The following SATB1 variants were observed in gnomAD, a reference collection of about 807,000 sequenced individuals.
The protein encoded by SATB1 is SATB homeobox 1, also known as DNA-binding protein SATB1.
A neutral mutation model predicts 86.9 loss-of-function variants in SATB1; 11 were observed. That is an observed-to-expected ratio of 0.13 (90% CI 0.08 to 0.21). The LOEUF is 0.21. Ranked by LOEUF, SATB1 falls within the 10% of genes least tolerant of loss-of-function variation. The pLI is 1.00. For synonymous variants in SATB1, 357 were observed against 357.2 expected (o/e 1.00, Z 0.01); for missense variants, 551 against 937.6 (o/e 0.59, Z 5.39).
intron 9 of SATB1, among the ~76,000 whole-genome samples, chr3:18,377,958 A>G (rs1695848642): frequency 6.6e-6 from 1 of 152,196 alleles, no homozygotes; most frequent in Admixed American, 6.5e-5. Flanking sequence ...TTACCATAAA[A>G]TCCTTGGTCT....
chr3:18,425,796 G>A (rs1698671667), upstream of SATB1, among the ~76,000 whole-genome samples: 1 of 150,034 alleles, frequency 6.7e-6, no homozygotes, highest in Admixed American at 6.6e-5. Context: ...GCGGGCGGCA[G>A]GGGCAGGTGT....
chr3:18,393,227 A>G (rs970802928), intron 7 of SATB1, among the ~76,000 whole-genome samples: 3 of 152,206 alleles, frequency 2.0e-5, no homozygotes, highest in Admixed American at 6.5e-5. Context: ...GTCAAAAAAT[A>G]AGATAAATTG....
intron 10 of SATB1, chr3:18,351,042 AG>A: frequency 2.3e-6 from 1 of 441,486 alleles, no homozygotes; most frequent in Non-Finnish European, 4.2e-6. Context: ...ACGCTTTCTA[AG>A]CAACTGGGGC....
chr3:18,356,509 G>T (rs1281468037), intron 9 of SATB1, among the ~76,000 whole-genome samples: 1 of 150,944 alleles, frequency 6.6e-6, no homozygotes, highest in East Asian at 1.9e-4. Context: ...ATAACACAAT[G>T]GCAATTTATT....
intron 8 of SATB1, among the ~76,000 whole-genome samples, chr3:18,381,365 T>A (rs2125195329): frequency 6.6e-6 from 1 of 152,352 alleles, no homozygotes; most frequent in Admixed American, 6.5e-5. Flanking sequence ...TATGTAGTTT[T>A]AATAATTGTG....
chr3:18,374,708 T>A (rs1271051748), intron 9 of SATB1, among the ~76,000 whole-genome samples: 1 of 152,194 alleles, frequency 6.6e-6, no homozygotes, highest in Non-Finnish European at 1.5e-5. Flanking sequence ...AGTTGGCTTC[T>A]TTTACCGAAA....
chr3:18,355,660 CCAA>C (rs1340385928), intron 9 of SATB1, among the ~76,000 whole-genome samples: 1 of 151,692 alleles, frequency 6.6e-6, no homozygotes, highest in Non-Finnish European at 1.5e-5. Context: ...AAAAAAAACA[CCAA>C]CAAAACAAAA....
chr3:18,440,607 T>C (rs1699216400), upstream of SATB1, among the ~76,000 whole-genome samples: 1 of 152,154 alleles, frequency 6.6e-6, no homozygotes, highest in Non-Finnish European at 1.5e-5. Context: ...TAGCTCGAAG[T>C]AGGAAGTGTT....
At chr3:18,366,445 C>A (rs1193466332) in intron 9 of SATB1, among the ~76,000 whole-genome samples, 1 of 150,396 alleles carries the variant, frequency 6.6e-6, no homozygotes, top group Non-Finnish European at 1.5e-5. Context: ...TTCCATCAAT[C>A]AATCAATCAA....
chr3:18,386,918 C>T lies in SATB1; in HGVS notation c.1207-307G>A, dbSNP rs765004006. ...ACGATCCAGGGAAGTTAAGAATAAA[C>T]GAAATCCTTATAATGCAACAGCACT... On this transcript the variant is annotated intron_variant, in intron 7 of 10. Transcript: ENST00000338745. The surrounding 1 kb of genome is among the most constrained non-coding windows in gnomAD (Gnocchi z 4.5). Among the ~76,000 whole-genome samples the T allele has an allele frequency of 3.9e-5, 6 of 152,092 alleles. No individual in the cohort carries two copies. The highest frequency in any genetic ancestry group is 2.1e-4 in the South Asian group (1 of 4,830).
intron 1 of SATB1, 165 bp from the exon 2 acceptor site, chr3:18,421,156 T>C (rs1331458720): frequency 5.2e-6 from 3 of 574,066 alleles, no homozygotes; most frequent in Admixed American, 3.1e-5. Flanking sequence ...TTCTAGATGA[T>C]AGCATTACAT....
chr3:18,353,689 G>A (rs1042958119), intron 9 of SATB1, among the ~76,000 whole-genome samples: 4 of 152,128 alleles, frequency 2.6e-5, no homozygotes, highest in African/African-American at 9.7e-5. Flanking sequence ...AATATGTATA[G>A]TGGAAAGAAG....
chr3:18,367,761 A>T (rs1013029189), intron 9 of SATB1, among the ~76,000 whole-genome samples: 1 of 152,208 alleles, frequency 6.6e-6, no homozygotes, highest in Admixed American at 6.5e-5. Context: ...CTTTTGTATT[A>T]ACAGGCATGC....
At chr3:18,421,254 G>A in intron 1 of SATB1, 3 of 256,684 alleles carry the variant, frequency 1.2e-5, no homozygotes, top group Non-Finnish European at 2.2e-5. Flanking sequence ...AACTAAGTGG[G>A]GAAAAATGGG....
At chr3:18,419,969 G>C (rs368451736) in intron 2 of SATB1, among the ~76,000 whole-genome samples, 2 of 152,118 alleles carry the variant, frequency 1.3e-5, no homozygotes, top group East Asian at 3.9e-4. Flanking sequence ...CTAAAATATA[G>C]CATTTTTATC....
intron 5 of SATB1, 87 bp downstream of exon 5, chr3:18,415,024 A>G: frequency 6.8e-7 from 1 of 1,463,746 alleles, no homozygotes; most frequent in East Asian, 2.3e-5. Context: ...TTCAGATACC[A>G]GTTGCTTTAA....
At chr3:18,379,168 A>T (rs571703585) in intron 8 of SATB1, among the ~76,000 whole-genome samples, 9 of 152,240 alleles carry the variant, frequency 5.9e-5, no homozygotes, top group Admixed American at 1.3e-4. Flanking sequence ...TGATAAGCAG[A>T]TATCGGCAGT....
intron 9 of SATB1, among the ~76,000 whole-genome samples, chr3:18,353,808 G>A (rs374556985): frequency 2.6e-5 from 4 of 152,152 alleles, no homozygotes; most frequent in Admixed American, 6.5e-5. Flanking sequence ...TCATCGTGAC[G>A]ACTGCTGTAT....
At chr3:18,362,881 A>AAAAAAAAAAAAAAAAAAAAAAAAAC (rs373536891) in intron 9 of SATB1, among the ~76,000 whole-genome samples, 2 of 108,184 alleles carry the variant, frequency 1.8e-5, no homozygotes, top group Non-Finnish European at 3.7e-5. Context: ...AAAAAAAAAA[A>AAAAAAAAAAAAAAAAAAAAAAAAAC]CCAAAACCCC....
Sources: allele counts gnomAD v4.1 joint callset (sites outside exome capture counted in the v4.1 genomes callset), GRCh38; gene constraint gnomAD v4.1.1; non-coding constraint Gnocchi (gnomAD v3.1); transcripts MANE v1.5; gene names NCBI Gene and HGNC (gene_info 2026-07-23, HGNC 2026-07-21).